FAM124A: variants seen among roughly 807,000 people sequenced by gnomAD.
FAM124A encodes protein FAM124A.
A neutral mutation model predicts 24.5 loss-of-function variants in FAM124A; 23 were observed. The observed-to-expected ratio is 0.94, with a 90% CI of 0.68 to 1.33. FAM124A has a LOEUF of 1.33. FAM124A is among the 40% of genes most tolerant of loss of function. The probability of loss-of-function intolerance (pLI) is 0.00; values close to 1 mark genes in which losing one functional copy is unlikely to be tolerated. For missense variants in FAM124A, 623 were observed against 722.8 expected (o/e 0.86, Z 1.58); for synonymous variants, 287 against 314.7 (o/e 0.91, Z 0.93).
At chr13:51,276,668 C>T (rs770810240) in intron 3 of FAM124A, among the ~76,000 whole-genome samples, 2 of 152,064 alleles carry the variant, frequency 1.3e-5, no homozygotes, top group Non-Finnish European at 2.9e-5. Flanking sequence ...GAAAACCACC[C>T]AAAGGAAAGG....
At chr13:51,259,967 C>T (rs1246338615) in intron 3 of FAM124A, among the ~76,000 whole-genome samples, 1 of 152,064 alleles carries the variant, frequency 6.6e-6, no homozygotes, top group Non-Finnish European at 1.5e-5. Context: ...AGTGGAGAGC[C>T]TCGGCAGAGG....
intron 3 of FAM124A, among the ~76,000 whole-genome samples, chr13:51,273,086 TAGGG>T (rs1954853811): frequency 6.6e-6 from 1 of 152,186 alleles, no homozygotes; most frequent in Non-Finnish European, 1.5e-5. Context: ...CAAAAAATGA[TAGGG>T]AGGCATTCCC....
chr13:51,247,124 G>A (rs1954572479), intron 2 of FAM124A, among the ~76,000 whole-genome samples: 1 of 152,226 alleles, frequency 6.6e-6, no homozygotes, highest in Non-Finnish European at 1.5e-5. Context: ...AAGAAATGAA[G>A]CTGTTGGCTG....
chr13:51,231,558 A>G (rs1211659138), intron 2 of FAM124A, among the ~76,000 whole-genome samples, 179 bp downstream of exon 2: 3 of 152,224 alleles, frequency 2.0e-5, no homozygotes, highest in African/African-American at 7.2e-5. Flanking sequence ...GGAGAATCTG[A>G]TCATACAGAA....
intron 3 of FAM124A, among the ~76,000 whole-genome samples, chr13:51,267,341 AAT>A (rs1287588760): frequency 2.6e-5 from 4 of 152,180 alleles, no homozygotes; most frequent in Non-Finnish European, 5.9e-5. Flanking sequence ...TAGGATTTTG[AAT>A]TTTTTAAATG....
At chr13:51,234,550 T>G (rs1270413361) in intron 2 of FAM124A, among the ~76,000 whole-genome samples, 1 of 152,124 alleles carries the variant, frequency 6.6e-6, no homozygotes, top group African/African-American at 2.4e-5. Flanking sequence ...GGGCCTTTGT[T>G]TCCTCCTCTG....
Position 51,280,837 on chromosome 13 carries a change from G to C in FAM124A, c.1222G>C (p.Gly408Arg). 1 of 1,614,118 alleles carries C rather than the reference G, an allele frequency of 6.2e-7. No individual in the cohort carries two copies. The highest frequency in any genetic ancestry group is 1.3e-5 in the African/African-American group (1 of 75,046). Residue 408 changes from glycine to arginine, a missense_variant, in exon 4 of 4, where the codon GGG becomes CGG. By Grantham distance (125) the Gly-to-Arg change is moderately radical (BLOSUM62 -2). Coordinates refer to ENST00000322475, the MANE Select transcript of FAM124A (RefSeq NM_001242312.2). ...CCTCCTCTCCATCGATGACCTAGAG[G>C]GGGCCCAGGAGACAGACGTGGACAC... The part of the protein sequence containing the change: ...GHLLSIDDLE[G>R]AQETDVDTGL...
chr13:51,240,667 A>G (rs1202249312), intron 2 of FAM124A, among the ~76,000 whole-genome samples: 2 of 152,240 alleles, frequency 1.3e-5, no homozygotes, highest in African/African-American at 4.8e-5. Flanking sequence ...CTCTTCATTG[A>G]GAACTCCTAT....
intron 2 of FAM124A, among the ~76,000 whole-genome samples, chr13:51,233,816 T>C (rs1439603957): frequency 6.6e-6 from 1 of 152,212 alleles, no homozygotes; most frequent in Non-Finnish European, 1.5e-5. Context: ...CCTAAGTAGA[T>C]TTTTAAAATA....
rs1235549229 is a variant in FAM124A, at chr13:51,251,476, TCCGTTGAAGAGGCGCAGGAC to T, written c.112_131del (p.Val38PhefsTer141). On this transcript the variant is annotated frameshift_variant, in exon 3 of 4. Transcript: ENST00000322475. LOFTEE classifies it high-confidence loss of function. This position sits in a 1 kb window ranked among gnomAD's most constrained non-coding sequence, Gnocchi z 5.3. ...TTTTTGCGTGCCCCCAGGTGAGCTTTCCGTTGAAGAGGCGCAGGACCCTTTCCTGGTCAGCATCCACATAA... is the reference window on the plus strand; with the variant it reads ...TTTTTGCGTGCCCCCAGGTGAGCTTTCCTTTCCTGGTCAGCATCCACATAA... The T allele has an allele frequency of 2.0e-6, 3 of 1,501,302 alleles. No homozygotes were observed. The African/African-American group carries it at 4.2e-5, about 21-fold the overall frequency. The allele number at this position is 1,501,302 out of a possible 1,614,324, so 93.0% of individuals were successfully genotyped here. A position where few individuals can be genotyped will look rare whatever the true frequency, so the allele number is the denominator to read the frequency against.
In FAM124A at chr13:51,222,407, G is replaced by A. The variant is rs1454142983; in HGVS notation, c.-95G>A. On this transcript the variant is annotated 5_prime_UTR_variant, in exon 1 of 4. Transcript: ENST00000322475. Reference sequence around the variant, plus strand: ...CGGCTCCCGGGCCGCCAGACGCTCGGAGGGAGCCCGGCCGGCTCGGACTGG... The same window carrying A: ...CGGCTCCCGGGCCGCCAGACGCTCGAAGGGAGCCCGGCCGGCTCGGACTGG... 9.3e-7 allele frequency: 1 copy of A among 1,079,086 alleles called. No homozygotes were observed. Among genetic ancestry groups the A allele is most frequent in the East Asian group, 4.2e-5 (1 of 23,904 alleles). The allele number at this position is 1,079,086 out of a possible 1,614,324, so 66.8% of individuals were successfully genotyped here. A position where few individuals can be genotyped will look rare whatever the true frequency, so the allele number is the denominator to read the frequency against.
At position 51,280,871 on chromosome 13, in the gene FAM124A, G is replaced by A. The variant is rs201482688; in HGVS notation, c.1256G>A (p.Arg419Gln). The stretch of plus-strand genomic sequence containing the variant: ...GAGACAGACGTGGACACAGGCCTGC[G>A]GCTGTCCTCATCGGACCTGTCTGTG... ...AQETDVDTGLRLSSSDLSVVS... is the reference protein window; with the variant it reads ...AQETDVDTGLQLSSSDLSVVS... The change falls in exon 4 of 4, where the codon CGG (arginine) becomes CAG (glutamine). Residue 419 changes from arginine to glutamine, a missense_variant. Physicochemically the swap from Arg to Gln is conservative, Grantham distance 43. Transcript: ENST00000322475. 7.7e-5 allele frequency: 125 copies of A among 1,614,012 alleles called. No homozygotes were observed. Among genetic ancestry groups the A allele is most frequent in the Middle Eastern group, 1.6e-4 (1 of 6,084 alleles).
chr13:51,246,587 A>C (rs1314234969), intron 2 of FAM124A, among the ~76,000 whole-genome samples: 1 of 152,192 alleles, frequency 6.6e-6, no homozygotes, highest in African/African-American at 2.4e-5. Flanking sequence ...TCCCTGGTTC[A>C]GGCAGTGCAG....
At chr13:51,231,558 A>C (rs1211659138) in intron 2 of FAM124A, among the ~76,000 whole-genome samples, 179 bp downstream of exon 2, 1 of 152,224 alleles carries the variant, frequency 6.6e-6, no homozygotes, top group African/African-American at 2.4e-5. Context: ...GGAGAATCTG[A>C]TCATACAGAA....
rs1186527042 is a variant in FAM124A, at chr13:51,222,465, C to T, written c.-37C>T. ...GGAGGGAGGGCGCCCCGGGTCACGA[C>T]GGCGCCCGCAAGCCGAGCGCGGCCG... is the stretch of plus-strand genomic sequence containing the variant. On this transcript the variant is annotated 5_prime_UTR_variant, in exon 1 of 4. It adds an upstream start codon to the 5' untranslated region. Coordinates refer to ENST00000322475, the MANE Select transcript of FAM124A (RefSeq NM_001242312.2). 2.5e-6 allele frequency: 3 copies of T among 1,202,280 alleles called. No homozygotes were observed. The highest frequency in any genetic ancestry group is 4.0e-5 in the South Asian group (1 of 25,068). The allele number at this position is 1,202,280 out of a possible 1,614,324, so 74.5% of individuals were successfully genotyped here.
chr13:51,230,178 C>T (rs1954359903), intron 1 of FAM124A, among the ~76,000 whole-genome samples: 1 of 152,156 alleles, frequency 6.6e-6, no homozygotes, highest in Non-Finnish European at 1.5e-5. Flanking sequence ...TCCATGACTA[C>T]TAAAGTATTT....
chr13:51,222,533 A>G lies in FAM124A; in HGVS notation c.32A>G (p.Glu11Gly), dbSNP rs1282222658. Reference protein sequence around the residue: MDPKAGGGGEEDDCVDSGAET... With the variant: MDPKAGGGGEGDDCVDSGAET... ...CCAAAGGCGGGCGGCGGCGGCGAGG[A>G]GGACGACTGCGTGGACTCGGGCGCC... Residue 11 changes from glutamate (E) to glycine (G), a missense_variant, in exon 1 of 4, where the codon GAG becomes GGG. Glu to Gly is a moderately conservative substitution (Grantham distance 98). Transcript: ENST00000322475. 110 of 1,226,536 alleles carry G rather than the reference A, an allele frequency of 9.0e-5. No homozygotes were observed. The highest frequency in any genetic ancestry group is 2.0e-4 in the South Asian group (5 of 25,418). The allele number at this position is 1,226,536 out of a possible 1,614,324, so 76.0% of individuals were successfully genotyped here.
chr13:51,224,228 G>A (rs1954293207), intron 1 of FAM124A, among the ~76,000 whole-genome samples: 1 of 152,210 alleles, frequency 6.6e-6, no homozygotes, highest in Admixed American at 6.5e-5. Context: ...CAGCACTTTG[G>A]GTGGCCGAGG....
In FAM124A at chr13:51,280,801, A is replaced by C; in HGVS notation, c.1186A>C (p.Arg396=). Residue 396 remains arginine, a synonymous_variant, in exon 4 of 4, where the codon AGG becomes CGG. Transcript: ENST00000322475. ...GAPGHRASEW[R]HGHLLSIDDL... The stretch of plus-strand genomic sequence containing the variant: ...CCCAGGGCACAGGGCATCAGAGTGG[A>C]GGCATGGCCACCTCCTCTCCATCGA... The C allele has an allele frequency of 1.2e-6, 2 of 1,614,126 alleles. No individual in the cohort carries two copies. The highest frequency in any genetic ancestry group is 1.7e-6 in the Non-Finnish European group (2 of 1,180,024).
Sources: allele counts gnomAD v4.1 joint callset (sites outside exome capture counted in the v4.1 genomes callset), GRCh38; gene constraint gnomAD v4.1.1; non-coding constraint Gnocchi (gnomAD v3.1); transcripts MANE v1.5; gene names NCBI Gene and HGNC (gene_info 2026-07-23, HGNC 2026-07-21).